RELN: variants seen among roughly 807,000 people sequenced by gnomAD.
RELN encodes reelin.
A neutral mutation model predicts 427.6 loss-of-function variants in RELN; 108 were observed. The observed-to-expected ratio is 0.25, with a 90% CI of 0.22 to 0.30. The LOEUF is 0.30. Ranked by LOEUF, RELN falls within the 10% of genes least tolerant of loss-of-function variation. RELN has a pLI of 1.00. For missense variants in RELN, 3,715 were observed against 4,302.8 expected (o/e 0.86, Z 3.82); for synonymous variants, 1,524 against 1,513.4 (o/e 1.01, Z -0.16).
chr7:103,677,559 A>G (rs772672159), intron 11 of RELN, among the ~76,000 whole-genome samples: 1 of 150,358 alleles, frequency 6.7e-6, no homozygotes, highest in Admixed American at 6.6e-5. Flanking sequence ...TGAGGTCAGG[A>G]GTTCGAGACG....
At chr7:103,941,606 G>GA (rs1432874605) in intron 1 of RELN, among the ~76,000 whole-genome samples, 1 of 151,700 alleles carries the variant, frequency 6.6e-6, no homozygotes, top group Admixed American at 6.6e-5. Flanking sequence ...CTAAAATTTT[G>GA]AAAAAAATTT....
intron 2 of RELN, among the ~76,000 whole-genome samples, chr7:103,891,262 C>T (rs1416527346): frequency 6.6e-6 from 1 of 152,124 alleles, no homozygotes; most frequent in Admixed American, 6.6e-5. Flanking sequence ...CACTGTTCAT[C>T]TTAGACACTT....
intron 1 of RELN, among the ~76,000 whole-genome samples, chr7:103,934,955 G>A (rs1269680097): frequency 1.3e-5 from 2 of 152,172 alleles, no homozygotes; most frequent in Non-Finnish European, 2.9e-5. Context: ...CGTTTAAATA[G>A]AACAACTAGC....
intron 51 of RELN, among the ~76,000 whole-genome samples, chr7:103,507,631 G>A (rs1829259229): frequency 6.6e-6 from 1 of 152,066 alleles, no homozygotes; most frequent in African/African-American, 2.4e-5. Flanking sequence ...AACTAGAGAA[G>A]CAGGAGCAAA....
intron 29 of RELN, 146 bp from the exon 30 acceptor site, chr7:103,574,445 G>C (rs751813425): frequency 1.4e-6 from 1 of 730,458 alleles, no homozygotes; most frequent in Admixed American, 2.0e-5. Context: ...CACAACTGTC[G>C]GTCTGAAAGA....
chr7:103,705,584 T>C (rs1194437678), intron 8 of RELN, among the ~76,000 whole-genome samples: 3 of 152,236 alleles, frequency 2.0e-5, no homozygotes, highest in East Asian at 3.8e-4. Context: ...ATAACAATTA[T>C]ACATAATTTT....
intron 8 of RELN, among the ~76,000 whole-genome samples, chr7:103,702,973 C>T (rs115039674): frequency 0.023 from 3,485 of 152,236 alleles, 52 homozygotes; most frequent in African/African-American, 0.042. Context: ...AAATGTGTAC[C>T]CTGAGAAACA....
intron 64 of RELN, 113 bp downstream of exon 64, chr7:103,478,276 A>AT (rs767713233): frequency 0.027 from 15,539 of 567,410 alleles, no homozygotes; most frequent in South Asian, 0.04. Context: ...GTTTTCATAG[A>AT]TTTTTTTTTT....
chr7:103,984,129 T>C (rs969494546), intron 1 of RELN, among the ~76,000 whole-genome samples: 3 of 149,934 alleles, frequency 2.0e-5, no homozygotes, highest in Non-Finnish European at 3.0e-5. Flanking sequence ...GTTTATTCTA[T>C]AAAGTTGACC....
At chr7:103,742,554 T>G (rs964325679) in intron 6 of RELN, among the ~76,000 whole-genome samples, 1 of 151,998 alleles carries the variant, frequency 6.6e-6, no homozygotes, top group Non-Finnish European at 1.5e-5. Flanking sequence ...GAATAACCAA[T>G]GCAGAGAAGT....
rs1329180124 is a variant in RELN, at chr7:103,743,810, T to A, written c.656+5616A>T. 5.3e-5 allele frequency among the ~76,000 whole-genome samples: 8 copies of A among 151,906 alleles called. No individual in the cohort carries two copies. The East Asian group carries it at 5.8e-4, about 11-fold the overall frequency. On this transcript the variant is annotated intron_variant, in intron 6 of 64. Coordinates refer to ENST00000428762, the MANE Select transcript of RELN (RefSeq NM_005045.4). ...GAGACTTAGACTCCCACACAATAAT[T>A]ATGGGAGACTTTAACACCCCACTGT...
chr7:103,770,783 G>A (rs1791548212), intron 4 of RELN, among the ~76,000 whole-genome samples: 2 of 151,854 alleles, frequency 1.3e-5, no homozygotes, highest in South Asian at 4.2e-4. Flanking sequence ...TCATGTCACA[G>A]TAATCTGTCT....
chr7:103,865,719 C>CA (rs1246664272), intron 2 of RELN, among the ~76,000 whole-genome samples: 17 of 152,080 alleles, frequency 1.1e-4, no homozygotes, highest in Admixed American at 2.6e-4. Context: ...TAAAAACTCT[C>CA]AAAAAACTAC....
At chr7:103,913,608 A>C (rs1795417388) in intron 2 of RELN, among the ~76,000 whole-genome samples, 1 of 152,136 alleles carries the variant, frequency 6.6e-6, no homozygotes, top group South Asian at 2.1e-4. Context: ...CTACTTTCCT[A>C]CCCTAATCAA....
intron 11 of RELN, among the ~76,000 whole-genome samples, chr7:103,667,765 T>C (rs560880914): frequency 6.6e-6 from 1 of 152,322 alleles, no homozygotes; most frequent in African/African-American, 2.4e-5. Flanking sequence ...CATGTATATT[T>C]ATTCCTTGCA....
intron 8 of RELN, among the ~76,000 whole-genome samples, chr7:103,712,875 T>G (rs949341515): frequency 3.9e-5 from 6 of 152,186 alleles, no homozygotes; most frequent in Admixed American, 2.0e-4. Flanking sequence ...TGGGTAGTTT[T>G]GGGTAGTTTT....
At chr7:103,914,349 A>G (rs576085953) in intron 2 of RELN, among the ~76,000 whole-genome samples, 2 of 152,124 alleles carry the variant, frequency 1.3e-5, no homozygotes, top group Non-Finnish European at 2.9e-5. Context: ...ACAAACCATC[A>G]AATGATGGTT....
intron 2 of RELN, among the ~76,000 whole-genome samples, chr7:103,850,336 C>G (rs1037153888): frequency 2.0e-5 from 3 of 152,160 alleles, no homozygotes; most frequent in African/African-American, 4.8e-5. Flanking sequence ...ATTGGAGAAG[C>G]TGAAGGTCTG....
chr7:103,865,132 C>CAAAAAAAAAAAAA (rs386410871), intron 2 of RELN, among the ~76,000 whole-genome samples: 2 of 67,198 alleles, frequency 3.0e-5, no homozygotes, highest in African/African-American at 6.4e-5. Flanking sequence ...GAAACTGTCT[C>CAAAAAAAAAAAAA]AAAAAAAAAA....
Sources: gnomAD v4.1 joint callset for allele counts (sites outside exome capture counted in the v4.1 genomes callset) on GRCh38, gnomAD v4.1.1 for gene constraint, MANE v1.5 for transcripts, NCBI Gene and HGNC (gene_info 2026-07-23, HGNC 2026-07-21) for gene names.